The following GNB4 variants were observed in gnomAD, a reference collection of about 807,000 sequenced individuals.
GNB4 encodes the protein G protein subunit beta 4.
GNB4 carries 28 observed loss-of-function variants against 45.2 expected under a neutral mutation model. That is an observed-to-expected ratio of 0.62 (90% CI 0.46 to 0.85). GNB4 has a LOEUF of 0.85. Among genes scored for constraint, GNB4 ranks in the 40% least tolerant of loss-of-function variants. The pLI, the probability that GNB4 is intolerant of heterozygous loss-of-function variation, is 0.00. For synonymous variants in GNB4, 132 were observed against 143.7 expected (o/e 0.92, Z 0.58); for missense variants, 321 against 425.4 (o/e 0.75, Z 2.16).
At chr3:179,436,041 T>A (rs949825543) in intron 1 of GNB4, among the ~76,000 whole-genome samples, 1 of 152,220 alleles carries the variant, frequency 6.6e-6, no homozygotes, top group Non-Finnish European at 1.5e-5. Flanking sequence ...CTACTAAGTT[T>A]CATACCAATC....
chr3:179,457,470 T>A, the GNB4 span, among the ~76,000 whole-genome samples: 1 of 152,328 alleles, frequency 6.6e-6, no homozygotes, highest in African/African-American at 2.4e-5. Context: ...GACTATTTTA[T>A]GCCAAACTCT....
chr3:179,527,270 C>T, the GNB4 span, among the ~76,000 whole-genome samples: 2 of 152,104 alleles, frequency 1.3e-5, no homozygotes, highest in African/African-American at 2.4e-5. Flanking sequence ...AGAAAACTCC[C>T]ATTGCTACAG....
At chr3:179,420,135 A>T (rs906743076) in intron 3 of GNB4, among the ~76,000 whole-genome samples, 3 of 146,348 alleles carry the variant, frequency 2.0e-5, no homozygotes, top group African/African-American at 5.0e-5. Flanking sequence ...AATATATATA[A>T]TTTTTTTTTT....
the GNB4 span, among the ~76,000 whole-genome samples, chr3:179,473,357 C>T: frequency 7.2e-3 from 1,089 of 152,136 alleles, 12 homozygotes; most frequent in African/African-American, 0.025. Context: ...TAATACAGAG[C>T]GGTCCTTTGT....
intron 9 of GNB4, among the ~76,000 whole-genome samples, chr3:179,403,826 T>A (rs3866322): frequency 1.3e-5 from 2 of 150,966 alleles, no homozygotes; most frequent in African/African-American, 4.9e-5. Flanking sequence ...AAAATAAAGT[T>A]AAGTAAAATA....
the GNB4 span, among the ~76,000 whole-genome samples, chr3:179,503,670 G>A: frequency 6.6e-6 from 1 of 152,196 alleles, no homozygotes; most frequent in South Asian, 2.1e-4. Context: ...ACTGTTGGAA[G>A]CATGATGTCA....
At chr3:179,425,738 T>A (rs924207794) in intron 2 of GNB4, among the ~76,000 whole-genome samples, 5 of 152,230 alleles carry the variant, frequency 3.3e-5, no homozygotes, top group Non-Finnish European at 5.9e-5. Context: ...CCCAAAGTGC[T>A]GGGATTACAG....
At chr3:179,401,842 A>C (rs1202378562) in intron 9 of GNB4, among the ~76,000 whole-genome samples, 1 of 152,232 alleles carries the variant, frequency 6.6e-6, no homozygotes, top group Non-Finnish European at 1.5e-5. Context: ...CAAACTCTGG[A>C]ATGTTATTGG....
At chr3:179,469,865 C>T in the GNB4 span, among the ~76,000 whole-genome samples, 1 of 152,190 alleles carries the variant, frequency 6.6e-6, no homozygotes, top group Non-Finnish European at 1.5e-5. Flanking sequence ...CAAGAAAGTT[C>T]TGAAAGTGAC....
chr3:179,490,749 C>A, the GNB4 span, among the ~76,000 whole-genome samples: 1 of 152,138 alleles, frequency 6.6e-6, no homozygotes, highest in Non-Finnish European at 1.5e-5. Flanking sequence ...TTGCATGGTG[C>A]CTACCTACTT....
At chr3:179,521,495 C>T in the GNB4 span, among the ~76,000 whole-genome samples, 1 of 152,174 alleles carries the variant, frequency 6.6e-6, no homozygotes, top group Admixed American at 6.5e-5. Context: ...ACTTGGACTG[C>T]ACCCCAAAAA....
intron 2 of GNB4, among the ~76,000 whole-genome samples, chr3:179,422,463 GAA>G (rs1164930213): frequency 7.7e-6 from 1 of 130,320 alleles, no homozygotes; most frequent in Non-Finnish European, 1.6e-5. Context: ...CCTGTCTCTG[GAA>G]AAAAAAAAAG....
the GNB4 span, among the ~76,000 whole-genome samples, chr3:179,517,944 G>A: frequency 1.8e-4 from 28 of 151,704 alleles, no homozygotes; most frequent in Non-Finnish European, 3.7e-4. Context: ...GGCAAGTACC[G>A]CTTTTCTGGG....
chr3:179,489,019 A>AATATATATAT, the GNB4 span, among the ~76,000 whole-genome samples: 103 of 21,366 alleles, frequency 4.8e-3, no homozygotes, highest in African/African-American at 0.018. Context: ...AAAAAAAAAA[A>AATATATATAT]ATATATATAT....
At chr3:179,460,649 T>C in the GNB4 span, among the ~76,000 whole-genome samples, 2 of 150,372 alleles carry the variant, frequency 1.3e-5, no homozygotes, top group Non-Finnish European at 3.0e-5. Context: ...TTTGCCTTTT[T>C]GCATACCTAA....
the GNB4 span, among the ~76,000 whole-genome samples, chr3:179,480,596 C>A: frequency 2.6e-5 from 4 of 152,202 alleles, no homozygotes; most frequent in South Asian, 6.2e-4. Flanking sequence ...ACTTCACCCC[C>A]CAACCCCATC....
chr3:179,468,035 A>AAAAAAAAATATAT, the GNB4 span, among the ~76,000 whole-genome samples: 24 of 89,848 alleles, frequency 2.7e-4, 3 homozygotes, highest in Admixed American at 1.8e-3. Flanking sequence ...TGTTGATAAA[A>AAAAAAAAATATAT]ATATATATAT....
chr3:179,497,910 T>C, the GNB4 span, among the ~76,000 whole-genome samples: 1 of 152,178 alleles, frequency 6.6e-6, no homozygotes, highest in African/African-American at 2.4e-5. Flanking sequence ...TTGGCAAAGA[T>C]GTGGAGAAAA....
At chr3:179,432,954 A>T (rs1300399635) in intron 1 of GNB4, among the ~76,000 whole-genome samples, 1 of 152,224 alleles carries the variant, frequency 6.6e-6, no homozygotes, top group Non-Finnish European at 1.5e-5. Context: ...GTCACCCACT[A>T]CTGAAGAAAT....
Sources: gnomAD v4.1 joint callset for allele counts (sites outside exome capture counted in the v4.1 genomes callset) on GRCh38, gnomAD v4.1.1 for gene constraint, MANE v1.5 for transcripts, NCBI Gene and HGNC (gene_info 2026-07-23, HGNC 2026-07-21) for gene names.